MAGI2: variants seen among roughly 807,000 people sequenced by gnomAD.
The protein encoded by MAGI2 is membrane associated guanylate kinase, WW and PDZ domain containing 2, also known as membrane-associated guanylate kinase, WW and PDZ domain-containing protein 2.
In MAGI2, 35 loss-of-function variants were observed where a neutral mutation model predicts 133.3. The ratio of observed to expected loss-of-function variants is 0.26; its 90% confidence interval spans 0.20 to 0.35. The LOEUF is 0.35. Ranked by LOEUF, MAGI2 falls within the 10% of genes least tolerant of loss-of-function variation. The pLI is 1.00. For synonymous variants in MAGI2, 729 were observed against 710.6 expected (o/e 1.03, Z -0.41); for missense variants, 1,636 against 1,863.4 (o/e 0.88, Z 2.25).
chr7:79,312,943 T>C (rs1838409032), intron 1 of MAGI2, among the ~76,000 whole-genome samples: 1 of 152,194 alleles, frequency 6.6e-6, no homozygotes, highest in South Asian at 2.1e-4. Flanking sequence ...CAACACTATC[T>C]AGTCCTTTGT....
chr7:79,159,637 C>T (rs1029009775), intron 1 of MAGI2, among the ~76,000 whole-genome samples: 2 of 151,674 alleles, frequency 1.3e-5, no homozygotes, highest in African/African-American at 4.8e-5. Flanking sequence ...GATTTTATTA[C>T]AAATATTAAC....
intron 1 of MAGI2, among the ~76,000 whole-genome samples, chr7:79,123,847 C>T (rs767260752): frequency 6.9e-6 from 1 of 145,538 alleles, no homozygotes. Flanking sequence ...TCATCTGTAA[C>T]GTGGTATCTA....
intron 1 of MAGI2, among the ~76,000 whole-genome samples, chr7:79,017,417 T>C (rs1414569270): frequency 6.6e-6 from 1 of 151,980 alleles, no homozygotes; most frequent in Admixed American, 6.6e-5. Context: ...TCAAATAGGA[T>C]AGAAGAAAAA....
At chr7:78,435,983 G>A (rs1351015244) in intron 6 of MAGI2, among the ~76,000 whole-genome samples, 3 of 152,146 alleles carry the variant, frequency 2.0e-5, no homozygotes, top group Non-Finnish European at 4.4e-5. Context: ...ACAGGGAAAT[G>A]CCATTTTGAA....
chr7:79,329,751 C>T (rs1046107558), intron 1 of MAGI2, among the ~76,000 whole-genome samples: 17 of 152,154 alleles, frequency 1.1e-4, no homozygotes, highest in African/African-American at 3.9e-4. Context: ...GCTCATATCA[C>T]GTTATTGTGG....
intron 1 of MAGI2, among the ~76,000 whole-genome samples, chr7:79,345,741 C>A (rs954524760): frequency 6.6e-6 from 1 of 152,122 alleles, no homozygotes; most frequent in East Asian, 1.9e-4. Context: ...TAAATCACTT[C>A]TTGGTTCTAA....
At chr7:78,221,984 A>C (rs1358092951) in intron 10 of MAGI2, among the ~76,000 whole-genome samples, 1 of 151,898 alleles carries the variant, frequency 6.6e-6, no homozygotes, top group Non-Finnish European at 1.5e-5. Flanking sequence ...CAGGAGTTTC[A>C]GGCTGTAGTG....
intron 10 of MAGI2, among the ~76,000 whole-genome samples, chr7:78,223,105 CTCTG>C (rs766188091): frequency 1.5e-4 from 23 of 152,174 alleles, no homozygotes; most frequent in African/African-American, 4.6e-4. Flanking sequence ...CTGCTCCTGT[CTCTG>C]TCTGTTCATA....
intron 1 of MAGI2, among the ~76,000 whole-genome samples, chr7:79,404,085 G>T (rs377170931): frequency 6.6e-6 from 1 of 152,050 alleles, no homozygotes; most frequent in Middle Eastern, 3.2e-3. Context: ...CCTGCTTCTC[G>T]AACTGTCTGA....
chr7:79,406,008 A>C (rs1452229951), intron 1 of MAGI2, among the ~76,000 whole-genome samples: 2 of 151,792 alleles, frequency 1.3e-5, no homozygotes, highest in African/African-American at 4.8e-5. Context: ...TGAGGATAAA[A>C]GATTTCTTTC....
At chr7:78,207,588 T>G (rs949279387) in intron 10 of MAGI2, among the ~76,000 whole-genome samples, 1 of 152,166 alleles carries the variant, frequency 6.6e-6, no homozygotes, top group Non-Finnish European at 1.5e-5. Flanking sequence ...TTTTTTCTGG[T>G]TTTTGACTGA....
chr7:78,908,582 G>A (rs1798154406), intron 2 of MAGI2, among the ~76,000 whole-genome samples: 1 of 152,196 alleles, frequency 6.6e-6, no homozygotes, highest in East Asian at 1.9e-4. Flanking sequence ...GATTAAATAA[G>A]CTCATTTGTG....
chr7:78,787,576 T>TA (rs1418781170), intron 2 of MAGI2, among the ~76,000 whole-genome samples: 7 of 152,260 alleles, frequency 4.6e-5, no homozygotes, highest in Middle Eastern at 3.4e-3. Flanking sequence ...ACAAGCCAGA[T>TA]AAAAAAAGTA....
At chr7:78,133,919 C>A (rs1821825655) in intron 17 of MAGI2, among the ~76,000 whole-genome samples, 1 of 152,076 alleles carries the variant, frequency 6.6e-6, no homozygotes, top group Non-Finnish European at 1.5e-5. Flanking sequence ...CTTCCCCCCC[C>A]TTTTTTCCCC....
chr7:78,368,580 TTTAACCCTG>T (rs1465474356), intron 7 of MAGI2, among the ~76,000 whole-genome samples: 1 of 152,126 alleles, frequency 6.6e-6, no homozygotes, highest in East Asian at 1.9e-4. Context: ...GTGTATATAA[TTTAACCCTG>T]AATAGTGTAT....
intron 2 of MAGI2, among the ~76,000 whole-genome samples, chr7:78,668,924 C>A (rs1023413855): frequency 1.3e-5 from 2 of 151,788 alleles, no homozygotes; most frequent in Non-Finnish European, 2.9e-5. Context: ...CAAAGCAGTG[C>A]GCAGAGGGAA....
chr7:79,115,489 C>A (rs1262740980), intron 1 of MAGI2, among the ~76,000 whole-genome samples: 1 of 152,124 alleles, frequency 6.6e-6, no homozygotes, highest in Non-Finnish European at 1.5e-5. Context: ...TATAAAATAA[C>A]AGGATCTTGT....
intron 3 of MAGI2, among the ~76,000 whole-genome samples, chr7:78,562,411 T>C (rs1800500292): frequency 6.6e-6 from 1 of 152,228 alleles, no homozygotes; most frequent in Non-Finnish European, 1.5e-5. Flanking sequence ...CAGAATTTTC[T>C]TTGCTGCTCA....
chr7:78,177,048 C>T (rs1471253415), intron 14 of MAGI2, among the ~76,000 whole-genome samples: 1 of 151,048 alleles, frequency 6.6e-6, no homozygotes, highest in Non-Finnish European at 1.5e-5. Context: ...AGACATAATG[C>T]CAAGACCTTT....
Sources: gnomAD v4.1 joint callset for allele counts (sites outside exome capture counted in the v4.1 genomes callset) on GRCh38, gnomAD v4.1.1 for gene constraint, MANE v1.5 for transcripts, NCBI Gene and HGNC (gene_info 2026-07-23, HGNC 2026-07-21) for gene names.